The following SLC4A4 variants were observed in gnomAD, a reference collection of about 807,000 sequenced individuals.
The protein encoded by SLC4A4 is electrogenic sodium bicarbonate cotransporter 1.
Under a neutral mutation model 111.5 loss-of-function variants are expected in SLC4A4, and 27 were observed. The observed-to-expected ratio is 0.24, with a 90% confidence interval of 0.18 to 0.33. The LOEUF is 0.33. Among genes scored for constraint, SLC4A4 ranks in the 10% least tolerant of loss-of-function variants. The probability of loss-of-function intolerance (pLI) is 1.00; values close to 1 mark genes in which losing one functional copy is unlikely to be tolerated. For missense variants in SLC4A4, 909 were observed against 1,315.5 expected (o/e 0.69, Z 4.78); for synonymous variants, 443 against 463.4 (o/e 0.96, Z 0.57).
chr4:71,465,574 T>G (rs2149097608), intron 12 of SLC4A4, among the ~76,000 whole-genome samples: 1 of 151,378 alleles, frequency 6.6e-6, no homozygotes, highest in Non-Finnish European at 1.5e-5. Flanking sequence ...ACTAAACTAA[T>G]AACTAAAGTT....
chr4:71,385,290 C>G (rs906278912), intron 6 of SLC4A4, among the ~76,000 whole-genome samples: 1 of 144,040 alleles, frequency 6.9e-6, no homozygotes, highest in Non-Finnish European at 1.5e-5. Flanking sequence ...CCTCTGCCTC[C>G]CAGGTTCAAG....
chr4:71,317,196 C>G (rs963564045), intron 3 of SLC4A4, among the ~76,000 whole-genome samples: 5 of 151,296 alleles, frequency 3.3e-5, no homozygotes, highest in African/African-American at 1.2e-4. Flanking sequence ...GAGTTTAGTC[C>G]CTGAAATGAG....
intron 2 of SLC4A4, among the ~76,000 whole-genome samples, chr4:71,158,372 T>C (rs1035235404): frequency 1.3e-5 from 2 of 152,176 alleles, no homozygotes; most frequent in African/African-American, 4.8e-5. Context: ...GTTCATTTTA[T>C]CAGCTAAATA....
chr4:71,536,465 C>CATATATACATATATATAT (rs1491113972), intron 18 of SLC4A4, among the ~76,000 whole-genome samples: 2 of 40,706 alleles, frequency 4.9e-5, no homozygotes, highest in African/African-American at 8.0e-5. Flanking sequence ...TACATATATA[C>CATATATACATATATATAT]ATATATATAT....
chr4:71,305,642 T>A (rs1256478334), intron 3 of SLC4A4, among the ~76,000 whole-genome samples: 1 of 152,214 alleles, frequency 6.6e-6, no homozygotes, highest in East Asian at 1.9e-4. Context: ...ACTGTGAATC[T>A]CAGAGCATAT....
chr4:71,411,370 C>T (rs569785236), intron 7 of SLC4A4, among the ~76,000 whole-genome samples: 33 of 152,252 alleles, frequency 2.2e-4, no homozygotes, highest in South Asian at 1.7e-3. Flanking sequence ...ACGCCCCCCC[C>T]CTCTTGCCCC....
intron 4 of SLC4A4, among the ~76,000 whole-genome samples, chr4:71,345,217 GGT>G (rs1729219987): frequency 6.6e-6 from 1 of 152,124 alleles, no homozygotes; most frequent in African/African-American, 2.4e-5. Context: ...TAGGTGACTA[GGT>G]GTCAGCTAAT....
chr4:71,376,130 T>C (rs865782524), intron 6 of SLC4A4, among the ~76,000 whole-genome samples: 30 of 144,456 alleles, frequency 2.1e-4, no homozygotes, highest in African/African-American at 5.1e-4. Context: ...TATATATATA[T>C]ACATACACAT....
At chr4:71,379,993 A>C (rs1578964027) in intron 6 of SLC4A4, among the ~76,000 whole-genome samples, 1 of 152,162 alleles carries the variant, frequency 6.6e-6, no homozygotes, top group East Asian at 1.9e-4. Flanking sequence ...TTTGTTGACT[A>C]AATGGACACT....
At chr4:71,225,248 A>C (rs568049211) in intron 1 of SLC4A4, among the ~76,000 whole-genome samples, 5 of 151,972 alleles carry the variant, frequency 3.3e-5, no homozygotes, top group African/African-American at 7.3e-5. Flanking sequence ...GCTACTTGGG[A>C]GGCTGAGGCA....
At chr4:71,241,199 C>T (rs2149043165) in intron 2 of SLC4A4, among the ~76,000 whole-genome samples, 1 of 152,232 alleles carries the variant, frequency 6.6e-6, no homozygotes, top group East Asian at 1.9e-4. Flanking sequence ...GATATAGCCT[C>T]TCATCTTATC....
intron 16 of SLC4A4, among the ~76,000 whole-genome samples, chr4:71,516,323 T>G (rs530298832): frequency 1.3e-5 from 2 of 152,176 alleles, no homozygotes; most frequent in Admixed American, 1.3e-4. Flanking sequence ...GGTCTCGATC[T>G]CCTGATCTCG....
intron 1 of SLC4A4, among the ~76,000 whole-genome samples, chr4:71,082,876 CAG>C (rs750271939): frequency 1.4e-5 from 2 of 148,022 alleles, no homozygotes; most frequent in African/African-American, 5.0e-5. Context: ...TTGTTGGAGA[CAG>C]AGTCTAGCTC....
intron 2 of SLC4A4, among the ~76,000 whole-genome samples, chr4:71,176,935 CG>C (rs1296619083): frequency 2.0e-4 from 30 of 152,274 alleles, no homozygotes; most frequent in African/African-American, 7.0e-4. Flanking sequence ...AGAGAAAGGT[CG>C]GGTTACTCAC....
intron 1 of SLC4A4, among the ~76,000 whole-genome samples, chr4:71,205,779 T>C (rs1002901100): frequency 4.9e-4 from 74 of 152,262 alleles, no homozygotes; most frequent in African/African-American, 1.8e-3. Context: ...TTTTCTCTTA[T>C]CAGAAAGATC....
In SLC4A4 at chr4:71,425,716, G is replaced by A. The variant is rs182011345; in HGVS notation, c.808-14900G>A. ...TGGATGGTGGGGCAGGGAGATGGGC[G>A]TCCAGGTCATAGATGGATTCCAAGA... On this transcript the variant is annotated intron_variant, in intron 7 of 25. Transcript: ENST00000264485. 6.6e-5 allele frequency among the ~76,000 whole-genome samples: 10 copies of A among 152,016 alleles called. 1 individual carries two copies. The highest frequency in any genetic ancestry group is 2.0e-4 in the Admixed American group (3 of 15,218).
intron 16 of SLC4A4, among the ~76,000 whole-genome samples, chr4:71,519,721 G>A (rs948175513): frequency 2.0e-5 from 3 of 152,096 alleles, no homozygotes; most frequent in Admixed American, 1.3e-4. Flanking sequence ...TGTAACCTCC[G>A]CCTCCTGGGT....
intron 1 of SLC4A4, among the ~76,000 whole-genome samples, chr4:71,205,886 C>A (rs1717730346): frequency 6.6e-6 from 1 of 152,142 alleles, no homozygotes; most frequent in South Asian, 2.1e-4. Context: ...TTTTATCTAC[C>A]ATCAGTCATG....
intron 2 of SLC4A4, among the ~76,000 whole-genome samples, chr4:71,151,970 G>A (rs1744324300): frequency 6.6e-6 from 1 of 151,788 alleles, no homozygotes; most frequent in South Asian, 2.1e-4. Context: ...ACTACAGTGA[G>A]CCATGATCAT....
Sources: allele counts gnomAD v4.1 joint callset (sites outside exome capture counted in the v4.1 genomes callset), GRCh38; gene constraint gnomAD v4.1.1; transcripts MANE v1.5; gene names NCBI Gene and HGNC (gene_info 2026-07-23, HGNC 2026-07-21).